IGLL5: variants seen among roughly 807,000 people sequenced by gnomAD.
The protein encoded by IGLL5 is immunoglobulin lambda-like polypeptide 5.
A neutral mutation model predicts 20.9 loss-of-function variants in IGLL5; 30 were observed. That is an observed-to-expected ratio of 1.44 (90% CI 1.07 to 1.95). IGLL5 has a LOEUF of 1.95. IGLL5 is among the 30% of genes most tolerant of loss of function. IGLL5 has a pLI of 0.00. For missense variants in IGLL5, 475 were observed against 270.7 expected (o/e 1.75, Z -5.30); for synonymous variants, 203 against 117.3 (o/e 1.73, Z -4.72).
chr22:22,894,303 CACAGAGGTCACCCCAAGGGGAG>C, intron 2 of IGLL5, among the ~76,000 whole-genome samples: 1 of 151,284 alleles, frequency 6.6e-6, no homozygotes, highest in Non-Finnish European at 1.5e-5. Context: ...GGCCTGGTGA[CACAGAGGTCACCCCAAGGGGAG>C]ACCAATGGAG....
intron 2 of IGLL5, among the ~76,000 whole-genome samples, chr22:22,895,140 G>A (rs1180921028): frequency 6.6e-6 from 1 of 150,806 alleles, no homozygotes; most frequent in Non-Finnish European, 1.5e-5. Context: ...GTAGAGGAGA[G>A]GGGCTGGGCC....
chr22:22,889,473 A>C (rs144895318), intron 1 of IGLL5, among the ~76,000 whole-genome samples: 1 of 151,384 alleles, frequency 6.6e-6, no homozygotes, highest in African/African-American at 2.4e-5. Flanking sequence ...CAAAGCTGTA[A>C]CCAAATCTTT....
chr22:22,895,459 T>G lies in IGLL5; in HGVS notation c.410T>G (p.Leu137Arg). Residue 137 changes from leucine to arginine, a missense_variant, in exon 3 of 3, where the codon CTG becomes CGG. Physicochemically the swap from Leu to Arg is moderately radical, Grantham distance 102. Coordinates refer to ENST00000526893, the MANE Select transcript of IGLL5 (RefSeq NM_001178126.2). ...LQANKATLVC[L>R]ISDFYPGAVT... ...GCCAACAAGGCCACACTAGTGTGTC[T>G]GATCAGTGACTTCTACCCGGGAGCT... The G allele has an allele frequency of 1.2e-6, 2 of 1,612,848 alleles. No homozygotes were observed. The highest frequency in any genetic ancestry group is 1.7e-6 in the Non-Finnish European group (2 of 1,179,548).
rs2066751902 is a variant in IGLL5, at chr22:22,895,655, C to A, written c.606C>A (p.Ser202Arg). The A allele has an allele frequency of 1.9e-6, 3 of 1,613,322 alleles. No individual in the cohort carries two copies. Among genetic ancestry groups the A allele is most frequent in the Middle Eastern group, 3.3e-4 (2 of 6,030 alleles). Reference sequence around the variant, plus strand: ...GCTGCCAGGTCACGCATGAAGGGAGCACCGTGGAGAAGACAGTGGCCCCTA... The same window carrying A: ...GCTGCCAGGTCACGCATGAAGGGAGAACCGTGGAGAAGACAGTGGCCCCTA... ...SYSCQVTHEG[S>R]TVEKTVAPTE... The change falls in exon 3 of 3, where the codon AGC becomes AGA. Residue 202 changes from serine to arginine, a missense_variant. Coordinates refer to ENST00000526893, the MANE Select transcript of IGLL5 (RefSeq NM_001178126.2).
intron 1 of IGLL5, among the ~76,000 whole-genome samples, chr22:22,889,356 A>T (rs549451189): frequency 6.6e-6 from 1 of 151,156 alleles, no homozygotes; most frequent in African/African-American, 2.4e-5. Flanking sequence ...TTAAAAATGT[A>T]TAACCATTTT....
chr22:22,891,683 G>A (rs531064498), intron 1 of IGLL5, among the ~76,000 whole-genome samples: 2 of 151,372 alleles, frequency 1.3e-5, no homozygotes, highest in South Asian at 2.1e-4. Context: ...ACTCAGATAA[G>A]TGGTTTAATA....
At position 22,893,859 on chromosome 22, in the gene IGLL5, G is replaced by T. The variant is rs146271125; in HGVS notation, c.325+41G>T. 16 of 1,332,928 alleles carry T rather than the reference G, an allele frequency of 1.2e-5. 1 individual carries two copies. The highest frequency in any genetic ancestry group is 3.7e-4 in the Middle Eastern group (2 of 5,468). 82.6% of individuals were successfully genotyped at this position (1,332,928 alleles called of 1,614,324 possible). On this transcript the variant is annotated intron_variant, in intron 2 of 2. Transcript: ENST00000526893. ...CCTTTCCCAGCCTGTCTCACCCTCT[G>T]CTGTCCCTGGAAAATCTGTTTTCTC...
chr22:22,893,930 C>CTTTCTCCATGGGG (rs2067950722), intron 2 of IGLL5, 112 bp downstream of exon 2: 1 of 799,916 alleles, frequency 1.3e-6, no homozygotes, highest in African/African-American at 1.7e-5. Flanking sequence ...TAAGCACTGA[C>CTTTCTCCATGGGG]CCTTACCTTT....
At chr22:22,894,741 T>C (rs2066691345) in intron 2 of IGLL5, among the ~76,000 whole-genome samples, 2 of 150,906 alleles carry the variant, frequency 1.3e-5, no homozygotes, top group South Asian at 2.1e-4. Flanking sequence ...AGGTGAAGGG[T>C]TCTGTGGTCG....
At chr22:22,894,086 TGTCTGAGTGAGGGACAGA>T in intron 2 of IGLL5, among the ~76,000 whole-genome samples, 1 of 151,404 alleles carries the variant, frequency 6.6e-6, no homozygotes, top group Non-Finnish European at 1.5e-5. Flanking sequence ...CCAGGGCAGA[TGTCTGAGTGAGGGACAGA>T]GGCTGGTTCT....
intron 2 of IGLL5, among the ~76,000 whole-genome samples, chr22:22,894,340 C>A (rs986923908): frequency 6.6e-6 from 1 of 151,340 alleles, no homozygotes; most frequent in African/African-American, 2.4e-5. Flanking sequence ...ATGGAGGGCA[C>A]AGAGAGGGCT....
intron 2 of IGLL5, among the ~76,000 whole-genome samples, chr22:22,894,020 A>AACAACT: frequency 6.6e-6 from 1 of 151,516 alleles, no homozygotes; most frequent in South Asian, 2.1e-4. Flanking sequence ...AGCCGGATGC[A>AACAACT]GCCTGGTCCC....
At chr22:22,888,339 A>C (rs577412651) in intron 1 of IGLL5, 80 bp downstream of exon 1, 4 of 1,330,164 alleles carry the variant, frequency 3.0e-6, no homozygotes, top group East Asian at 2.5e-5. Flanking sequence ...GACAAGCCAG[A>C]GGAGTGAGGA....
chr22:22,888,969 C>A (rs184199690), intron 1 of IGLL5, among the ~76,000 whole-genome samples: 3 of 151,224 alleles, frequency 2.0e-5, no homozygotes, highest in African/African-American at 4.8e-5. Flanking sequence ...GAGAGGAGAG[C>A]ACAGGATGAG....
intron 2 of IGLL5, among the ~76,000 whole-genome samples, chr22:22,894,298 G>C (rs147797426): frequency 6.6e-6 from 1 of 151,262 alleles, no homozygotes; most frequent in Non-Finnish European, 1.5e-5. Context: ...CACACGGCCT[G>C]GTGACACAGA....
At chr22:22,888,400 G>C (rs1354716087) in intron 1 of IGLL5, 141 bp downstream of exon 1, 4 of 666,400 alleles carry the variant, frequency 6.0e-6, no homozygotes, top group Admixed American at 2.9e-5. Flanking sequence ...TTTAGTAATG[G>C]GTTGATATTT....
chr22:22,888,339 A>G (rs577412651), intron 1 of IGLL5, 80 bp downstream of exon 1: 9 of 1,330,166 alleles, frequency 6.8e-6, no homozygotes, highest in African/African-American at 4.4e-5. Context: ...GACAAGCCAG[A>G]GGAGTGAGGA....
In IGLL5 at chr22:22,895,591, G is replaced by C. The variant is rs368219996; in HGVS notation, c.542G>C (p.Ser181Thr). 5 of 1,613,186 alleles carry C rather than the reference G, an allele frequency of 3.1e-6. No individual in the cohort carries two copies. In the East Asian group the frequency reaches 1.1e-4, roughly 36 times the overall value. The part of the protein sequence containing the change: ...NNKYAASSYL[S>T]LTPEQWKSHR... ...AAGTACGCGGCCAGCAGCTACCTGAGCCTGACGCCCGAGCAGTGGAAGTCC... is the reference window on the plus strand; with the variant it reads ...AAGTACGCGGCCAGCAGCTACCTGACCCTGACGCCCGAGCAGTGGAAGTCC... The change falls in exon 3 of 3, where the codon AGC becomes ACC. Residue 181 changes from serine to threonine, a missense_variant. Physicochemically the swap from Ser to Thr is moderately conservative, Grantham distance 58. Coordinates refer to ENST00000526893, the MANE Select transcript of IGLL5 (RefSeq NM_001178126.2).
At chr22:22,894,504 C>A (rs543503240) in intron 2 of IGLL5, among the ~76,000 whole-genome samples, 1 of 151,472 alleles carries the variant, frequency 6.6e-6, no homozygotes, top group East Asian at 2.0e-4. Context: ...TGTGTCTGTC[C>A]CTGGAGCCCC....
Sources: allele counts gnomAD v4.1 joint callset (sites outside exome capture counted in the v4.1 genomes callset), GRCh38; gene constraint gnomAD v4.1.1; transcripts MANE v1.5; gene names NCBI Gene and HGNC (gene_info 2026-07-23, HGNC 2026-07-21).